The following EPHB1 variants were observed in gnomAD, a reference collection of about 807,000 sequenced individuals.
EPHB1 encodes ephrin type-B receptor 1.
EPHB1 carries 30 observed loss-of-function variants against 94.4 expected under a neutral mutation model. That is an observed-to-expected ratio of 0.32 (90% CI 0.24 to 0.43). The LOEUF is 0.43. Among genes scored for constraint, EPHB1 ranks in the 20% least tolerant of loss-of-function variants. EPHB1 has a pLI of 1.00. For missense variants in EPHB1, 1,055 were observed against 1,308.3 expected (o/e 0.81, Z 2.99); for synonymous variants, 522 against 489.1 (o/e 1.07, Z -0.89).
intron 3 of EPHB1, among the ~76,000 whole-genome samples, chr3:135,008,399 C>T (rs1935499780): frequency 6.6e-6 from 1 of 152,160 alleles, no homozygotes. Context: ...AGTCATGCTA[C>T]TGGGGTTTAA....
chr3:134,977,878 T>A (rs2107731921), intron 3 of EPHB1: 1 of 429,258 alleles, frequency 2.3e-6, no homozygotes, highest in Non-Finnish European at 4.6e-6. Flanking sequence ...CAGAGCCTCC[T>A]GCCGTCCCAG....
intron 4 of EPHB1, among the ~76,000 whole-genome samples, chr3:135,131,383 G>A (rs2107686636): frequency 6.6e-6 from 1 of 152,210 alleles, no homozygotes; most frequent in Non-Finnish European, 1.5e-5. Flanking sequence ...TTTTTGTGTT[G>A]GCATTTGATT....
chr3:135,216,983 G>C (rs1186707233), intron 12 of EPHB1, among the ~76,000 whole-genome samples: 1 of 152,128 alleles, frequency 6.6e-6, no homozygotes, highest in African/African-American at 2.4e-5. Context: ...GGTCACCTGT[G>C]TCTGGAATTA....
In EPHB1 at chr3:135,171,396, CTATTCAATCTCTTG is replaced by C. The variant is rs572244299; in HGVS notation, c.1759+4392_1759+4405del. Among the ~76,000 whole-genome samples, 17 of 152,286 alleles carry C rather than the reference CTATTCAATCTCTTG, an allele frequency of 1.1e-4. No homozygotes were observed. The South Asian group carries it at 3.3e-3, about 30-fold the overall frequency. On this transcript the variant is annotated intron_variant, in intron 9 of 15. Coordinates refer to ENST00000398015, the MANE Select transcript of EPHB1 (RefSeq NM_004441.5). ...CCCTGGTGTTATTTTAGTCCTTGTCCTATTCAATCTCTTGTTTGTTTGATTGTTTTTTAAATTCA... is the reference window on the plus strand; with the variant it reads ...CCCTGGTGTTATTTTAGTCCTTGTCCTTTGTTTGATTGTTTTTTAAATTCA...
chr3:134,957,906 G>A (rs565529487), intron 3 of EPHB1, among the ~76,000 whole-genome samples: 8 of 152,276 alleles, frequency 5.3e-5, no homozygotes, highest in Admixed American at 2.6e-4. Context: ...CTGGACATTG[G>A]CAGGGCCTTT....
At chr3:135,013,918 T>A (rs1281604002) in intron 3 of EPHB1, among the ~76,000 whole-genome samples, 1 of 152,174 alleles carries the variant, frequency 6.6e-6, no homozygotes, top group Non-Finnish European at 1.5e-5. Context: ...AAGATGAGAT[T>A]CTATGCTGTG....
At chr3:135,254,899 T>G (rs1933304996) in intron 15 of EPHB1, among the ~76,000 whole-genome samples, 1 of 152,214 alleles carries the variant, frequency 6.6e-6, no homozygotes, top group Non-Finnish European at 1.5e-5. Flanking sequence ...TCAGATCCTG[T>G]TATTGGTCTA....
chr3:135,104,008 A>G (rs1468213500), intron 3 of EPHB1, among the ~76,000 whole-genome samples: 1 of 152,232 alleles, frequency 6.6e-6, no homozygotes, highest in Non-Finnish European at 1.5e-5. Context: ...TACGTGCTGG[A>G]AAGAAAGGGA....
Position 135,210,858 on chromosome 3 carries a change from C to T in EPHB1, c.2346+9169C>T, listed in dbSNP as rs79823331. ...TGTTTCTCTGGCTTTACTTTTCCCT[C>T]TTTTCCTCTCAAAGGCCCAGCAAAG... is the stretch of plus-strand genomic sequence containing the variant. On this transcript the variant is annotated intron_variant, in intron 12 of 15. Coordinates refer to ENST00000398015, the MANE Select transcript of EPHB1 (RefSeq NM_004441.5). Among the ~76,000 whole-genome samples, 569 of 152,270 alleles carry T rather than the reference C, an allele frequency of 3.7e-3. 4 individuals carry two copies. The highest frequency in any genetic ancestry group is 0.013 in the African/African-American group (549 of 41,554).
At chr3:135,058,367 T>C (rs964438481) in intron 3 of EPHB1, among the ~76,000 whole-genome samples, 1 of 152,134 alleles carries the variant, frequency 6.6e-6, no homozygotes, top group African/African-American at 2.4e-5. Flanking sequence ...TCCTCTCCTG[T>C]CCCTTCCCTG....
chr3:134,993,831 C>T (rs947226606), intron 3 of EPHB1, among the ~76,000 whole-genome samples: 1 of 152,228 alleles, frequency 6.6e-6, no homozygotes, highest in Non-Finnish European at 1.5e-5. Context: ...TCACATCTTA[C>T]AGGGTTTCTA....
rs539343805 is a variant in EPHB1 at position 135,000,672 on chromosome 3, T to C, written c.805+48620T>C. Among the ~76,000 whole-genome samples, 3 of 152,358 alleles carry C rather than the reference T, an allele frequency of 2.0e-5. No homozygotes were observed. The South Asian group carries it at 6.2e-4, about 32-fold the overall frequency. ...TTACAAAAACTCTTGATGAGAATAA[T>C]GCCTGATATTGTGCAATTGTGTGCA... is the stretch of plus-strand genomic sequence containing the variant. On this transcript the variant is annotated intron_variant, in intron 3 of 15. Coordinates refer to ENST00000398015, the MANE Select transcript of EPHB1 (RefSeq NM_004441.5).
chr3:134,803,015 G>T (rs145239344), intron 1 of EPHB1, among the ~76,000 whole-genome samples: 100 of 152,286 alleles, frequency 6.6e-4, no homozygotes, highest in African/African-American at 2.3e-3. Flanking sequence ...CACCAGTACA[G>T]TTGTTTCTCC....
chr3:134,861,883 A>C (rs772338524), intron 1 of EPHB1, among the ~76,000 whole-genome samples: 1 of 152,120 alleles, frequency 6.6e-6, no homozygotes, highest in Non-Finnish European at 1.5e-5. Context: ...GAATAAAATA[A>C]AATTTAAATT....
intron 1 of EPHB1, among the ~76,000 whole-genome samples, chr3:134,871,676 T>C (rs1322298420): frequency 6.6e-6 from 1 of 152,212 alleles, no homozygotes; most frequent in East Asian, 1.9e-4. Flanking sequence ...ATCTAGACAC[T>C]GATGACTACC....
intron 3 of EPHB1, among the ~76,000 whole-genome samples, chr3:135,074,743 G>A (rs898178621): frequency 2.6e-5 from 4 of 152,132 alleles, no homozygotes; most frequent in African/African-American, 9.7e-5. Flanking sequence ...TGAACATGTA[G>A]GGGTGGCACT....
intron 5 of EPHB1, among the ~76,000 whole-genome samples, chr3:135,138,249 CT>C (rs1940692987): frequency 6.6e-6 from 1 of 152,204 alleles, no homozygotes; most frequent in Non-Finnish European, 1.5e-5. Flanking sequence ...TGCACTATTT[CT>C]GTTAATAGTT....
intron 1 of EPHB1, among the ~76,000 whole-genome samples, chr3:134,897,684 G>C (rs1010376080): frequency 6.6e-6 from 1 of 152,128 alleles, no homozygotes; most frequent in Non-Finnish European, 1.5e-5. Flanking sequence ...TGGATGAATG[G>C]CCACTTCTCC....
At chr3:135,250,186 C>T (rs1042568474) in intron 15 of EPHB1, among the ~76,000 whole-genome samples, 7 of 152,080 alleles carry the variant, frequency 4.6e-5, no homozygotes, top group Non-Finnish European at 8.8e-5. Flanking sequence ...ATTCACTGCT[C>T]ATATTAGCAT....
Sources: allele counts gnomAD v4.1 joint callset (sites outside exome capture counted in the v4.1 genomes callset), GRCh38; gene constraint gnomAD v4.1.1; transcripts MANE v1.5; gene names NCBI Gene and HGNC (gene_info 2026-07-23, HGNC 2026-07-21).